ADGRB1: variants seen among roughly 807,000 people sequenced by gnomAD.
ADGRB1 encodes brain-specific angiogenesis inhibitor 1.
A neutral mutation model predicts 175.7 loss-of-function variants in ADGRB1; 36 were observed. The ratio of observed to expected loss-of-function variants is 0.20; its 90% CI spans 0.16 to 0.27. ADGRB1 has a LOEUF of 0.27. Ranked by LOEUF, ADGRB1 falls within the 10% of genes least tolerant of loss-of-function variation. ADGRB1 has a pLI of 1.00. For synonymous variants in ADGRB1, 1,054 were observed against 979.4 expected (o/e 1.08, Z -1.42); for missense variants, 1,731 against 2,255.3 (o/e 0.77, Z 4.71).
rs560040457 is a variant in ADGRB1, at chr8:142,533,972, G to A, written c.3570+506G>A. 6.6e-5 allele frequency among the ~76,000 whole-genome samples: 10 copies of A among 152,358 alleles called. No homozygotes were observed. The East Asian group carries it at 1.4e-3, about 21-fold the overall frequency. On this transcript the variant is annotated intron_variant, in intron 25 of 30. Coordinates refer to ENST00000517894, the MANE Select transcript of ADGRB1 (RefSeq NM_001702.3). ...ATGCATGTCGACCTGGGTGGCGTAG[G>A]ACACCTGCTTCCAGATCAGCGCCAG...
chr8:142,456,814 T>C (rs1839710102), intron 1 of ADGRB1, among the ~76,000 whole-genome samples: 2 of 152,238 alleles, frequency 1.3e-5, no homozygotes, highest in South Asian at 4.1e-4. Context: ...TACAGCCTCC[T>C]CTCAGGGGTC....
chr8:142,502,437 AGTGG>A (rs1842653175), intron 17 of ADGRB1, among the ~76,000 whole-genome samples: 1 of 562 alleles, frequency 1.8e-3, no homozygotes, highest in Non-Finnish European at 3.3e-3. Context: ...TGGTGGTGGT[AGTGG>A]TGGTGATGAT....
At chr8:142,468,721 G>A (rs1840419783) in intron 2 of ADGRB1, among the ~76,000 whole-genome samples, 1 of 152,228 alleles carries the variant, frequency 6.6e-6, no homozygotes, top group African/African-American at 2.4e-5. Flanking sequence ...TCACGCACAT[G>A]TGACCTTTCA....
chr8:142,532,613 G>C (rs375707115), intron 24 of ADGRB1, among the ~76,000 whole-genome samples: 1 of 152,150 alleles, frequency 6.6e-6, no homozygotes, highest in Non-Finnish European at 1.5e-5. Context: ...TCTCTCCTCT[G>C]CTCCTCCCCT....
At chr8:142,478,058 A>AGGGT (rs1841086208) in intron 6 of ADGRB1, 129 bp from the exon 7 acceptor site, 1 of 1,267,868 alleles carries the variant, frequency 7.9e-7, no homozygotes, top group South Asian at 1.4e-5. Flanking sequence ...GGTGGCCCCC[A>AGGGT]GGGTGTTCTC....
In ADGRB1 at chr8:142,507,753, AGGTTGTGCTGTGCCTGGCCTG is replaced by A. The variant is rs1315382683; in HGVS notation, c.2676-3159_2676-3139del. Among the ~76,000 whole-genome samples the A allele has an allele frequency of 5.9e-5, 9 of 152,154 alleles. 1 individual carries two copies. Among genetic ancestry groups the A allele is most frequent in the Non-Finnish European group, 7.4e-5 (5 of 68,024 alleles). Reference sequence around the variant, plus strand: ...CCTCAGGCAGTTGAGCAGAGGGCTGAGGTTGTGCTGTGCCTGGCCTGGGTTGTGCTGTGCCTGGCCCTTGAG... The same window carrying A: ...CCTCAGGCAGTTGAGCAGAGGGCTGAGGTTGTGCTGTGCCTGGCCCTTGAG... On this transcript the variant is annotated intron_variant, in intron 17 of 30. Transcript: ENST00000517894.
chr8:142,465,543 T>C (rs191870050), intron 2 of ADGRB1, among the ~76,000 whole-genome samples: 56 of 148,780 alleles, frequency 3.8e-4, no homozygotes, highest in Non-Finnish European at 7.3e-4. Flanking sequence ...GGTGGATGAA[T>C]CACCTCTGCC....
In ADGRB1 at chr8:142,510,644, C is replaced by A. The variant is rs922705838; in HGVS notation, c.2676-288C>A. Reference sequence around the variant, plus strand: ...CTGCCGGGCCCCGGGCCAGCTCTCGCCCCCCGCCCCGCCCCCGATCGCTCG... The same window carrying A: ...CTGCCGGGCCCCGGGCCAGCTCTCGACCCCCGCCCCGCCCCCGATCGCTCG... On this transcript the variant is annotated intron_variant, in intron 17 of 30. Coordinates refer to ENST00000517894, the MANE Select transcript of ADGRB1 (RefSeq NM_001702.3). The surrounding 1 kb of genome is among the most constrained non-coding windows in gnomAD (Gnocchi z 6.3). Among the ~76,000 whole-genome samples the A allele has an allele frequency of 6.9e-6, 1 of 145,702 alleles. No individual in the cohort carries two copies. The highest frequency in any genetic ancestry group is 1.5e-5 in the Non-Finnish European group (1 of 65,598).
intron 23 of ADGRB1, 26 bp from the exon 24 acceptor site, chr8:142,526,516 C>CCCCCCCCCCCCA: frequency 7.0e-7 from 1 of 1,428,902 alleles, no homozygotes; most frequent in Non-Finnish European, 9.7e-7. Flanking sequence ...CCCACCCCCA[C>CCCCCCCCCCCCA]ACCCCCACCA....
chr8:142,467,290 C>T (rs1840335931), intron 2 of ADGRB1, among the ~76,000 whole-genome samples: 3 of 152,224 alleles, frequency 2.0e-5, no homozygotes, highest in African/African-American at 7.2e-5. Flanking sequence ...GAAGAGATGT[C>T]AGCCCTGAGG....
chr8:142,483,957 C>T lies in ADGRB1; in HGVS notation c.2131-20C>T, dbSNP rs1379301574. The T allele has an allele frequency of 2.5e-6, 4 of 1,612,908 alleles. No homozygotes were observed. The highest frequency in any genetic ancestry group is 3.4e-6 in the Non-Finnish European group (4 of 1,179,516). Reference sequence around the variant, plus strand: ...TGTGCCCTGTTCTCTGTCACTGGCCCTTCTTCCTCTTCTTTCCAGAACTTT... The same window carrying T: ...TGTGCCCTGTTCTCTGTCACTGGCCTTTCTTCCTCTTCTTTCCAGAACTTT... On this transcript the variant is annotated intron_variant, in intron 11 of 30. Transcript: ENST00000517894.
chr8:142,516,356 GCGTGTGTGCGGGCCC>G (rs1408043785), intron 18 of ADGRB1, among the ~76,000 whole-genome samples: 15 of 147,572 alleles, frequency 1.0e-4, no homozygotes, highest in African/African-American at 2.3e-4. Context: ...CCAGGTGCGT[GCGTGTGTGCGGGCCC>G]CAGGTGCGTG....
At position 142,481,323 on chromosome 8, in the gene ADGRB1, G is replaced by T. The variant is rs773204550; in HGVS notation, c.1898G>T (p.Arg633Leu). The T allele has an allele frequency of 1.1e-5, 18 of 1,613,746 alleles. No individual in the cohort carries two copies. The highest frequency in any genetic ancestry group is 1.5e-5 in the Non-Finnish European group (18 of 1,179,878). Residue 633 changes from arginine (R) to leucine (L), a missense_variant, in exon 10 of 31, where the codon CGC becomes CTC. Arg to Leu is a moderately radical substitution (Grantham distance 102, BLOSUM62 -2). Transcript: ENST00000517894. ...TACTGGGAGCCCCCCACCTACATCC[G>T]CTGTGTTTCCATTGACTACAGAAAC... ...IAYWEPPTYI[R>L]CVSIDYRNIQ...
At position 142,492,231 on chromosome 8, in the gene ADGRB1, G is replaced by T. The variant is rs557164247; in HGVS notation, c.2675+1416G>T. Among the ~76,000 whole-genome samples, 19 of 151,996 alleles carry T rather than the reference G, an allele frequency of 1.3e-4. No homozygotes were observed. Among genetic ancestry groups the T allele is most frequent in the Admixed American group, 1.2e-3 (19 of 15,268 alleles). On this transcript the variant is annotated intron_variant, in intron 17 of 30. Coordinates refer to ENST00000517894, the MANE Select transcript of ADGRB1 (RefSeq NM_001702.3). The surrounding 1 kb of genome is among the most constrained non-coding windows in gnomAD (Gnocchi z 4.4). Reference sequence around the variant, plus strand: ...CCACCCATCCACCGCTCCTCCGTCCGCCTGTTCTTTAATCCATCCGCCCAT... The same window carrying T: ...CCACCCATCCACCGCTCCTCCGTCCTCCTGTTCTTTAATCCATCCGCCCAT...
chr8:142,539,574 C>G, intron 27 of ADGRB1, 161 bp downstream of exon 27: 1 of 884,660 alleles, frequency 1.1e-6, no homozygotes, highest in Non-Finnish European at 1.7e-6. Context: ...ACCCAGGGGA[C>G]CTGCCCTGGG....
At chr8:142,498,744 C>T (rs908458644) in intron 17 of ADGRB1, among the ~76,000 whole-genome samples, 3 of 152,196 alleles carry the variant, frequency 2.0e-5, no homozygotes, top group Middle Eastern at 3.4e-3. Flanking sequence ...GCACACCTCC[C>T]GCCTGCCCAC....
chr8:142,524,372 G>C (rs149632407), intron 23 of ADGRB1, 68 bp downstream of exon 23: 1 of 1,464,472 alleles, frequency 6.8e-7, no homozygotes, highest in East Asian at 2.5e-5. Context: ...CCTGGGCCTC[G>C]GTGCTGTCTC....
chr8:142,489,499 C>T (rs1841882284), intron 16 of ADGRB1, 61 bp downstream of exon 16: 1 of 1,542,904 alleles, frequency 6.5e-7, no homozygotes, highest in Non-Finnish European at 8.9e-7. Flanking sequence ...CGAATTCTGT[C>T]CCACTCCTCA....
At chr8:142,485,009 C>T (rs545718444) in intron 13 of ADGRB1, among the ~76,000 whole-genome samples, 2 of 152,326 alleles carry the variant, frequency 1.3e-5, no homozygotes, top group African/African-American at 2.4e-5. Context: ...ACCAGCGCTT[C>T]GCATGTACCC....
Sources: allele counts gnomAD v4.1 joint callset (sites outside exome capture counted in the v4.1 genomes callset), GRCh38; gene constraint gnomAD v4.1.1; non-coding constraint Gnocchi (gnomAD v3.1); transcripts MANE v1.5; gene names NCBI Gene and HGNC (gene_info 2026-07-23, HGNC 2026-07-21).